The following PRR16 variants were observed in gnomAD, a reference collection of about 807,000 sequenced individuals.
PRR16 encodes proline rich 16.
A neutral mutation model predicts 18.2 loss-of-function variants in PRR16; 6 were observed. That is an observed-to-expected ratio of 0.33 (90% CI 0.18 to 0.65). PRR16 has a LOEUF of 0.65. Ranked by LOEUF, PRR16 falls within the 30% of genes least tolerant of loss-of-function variation. The probability of loss-of-function intolerance (pLI) is 0.74; values close to 1 mark genes in which losing one functional copy is unlikely to be tolerated. For missense variants in PRR16, 412 were observed against 376.6 expected (o/e 1.09, Z -0.78); for synonymous variants, 151 against 147.8 (o/e 1.02, Z -0.16).
chr5:120,491,382 T>G (rs1386583347), intron 1 of PRR16, among the ~76,000 whole-genome samples: 1 of 151,630 alleles, frequency 6.6e-6, no homozygotes, highest in Non-Finnish European at 1.5e-5. Flanking sequence ...TTGTACATTC[T>G]ATATTAACTT....
intron 1 of PRR16, among the ~76,000 whole-genome samples, chr5:120,683,964 GA>G (rs1757046978): frequency 6.6e-6 from 1 of 150,926 alleles, no homozygotes; most frequent in African/African-American, 2.4e-5. Context: ...CTACTGAAAT[GA>G]AAAAAAGCAA....
chr5:120,489,017 C>T (rs1453196035), intron 1 of PRR16, among the ~76,000 whole-genome samples: 1 of 152,096 alleles, frequency 6.6e-6, no homozygotes, highest in South Asian at 2.1e-4. Flanking sequence ...GTCTGAGAGA[C>T]AGTTTGTTCT....
At chr5:120,607,993 A>G (rs1274794132) in intron 1 of PRR16, among the ~76,000 whole-genome samples, 1 of 152,180 alleles carries the variant, frequency 6.6e-6, no homozygotes, top group Non-Finnish European at 1.5e-5. Flanking sequence ...TCCAGTAGAT[A>G]TCAAATCTAG....
intron 1 of PRR16, among the ~76,000 whole-genome samples, chr5:120,494,377 T>G (rs965442710): frequency 6.6e-6 from 1 of 152,100 alleles, no homozygotes; most frequent in Non-Finnish European, 1.5e-5. Context: ...GGTCTTGCTA[T>G]GTTGCCCAGG....
chr5:120,494,842 A>T (rs1750189467), intron 1 of PRR16, among the ~76,000 whole-genome samples: 1 of 152,028 alleles, frequency 6.6e-6, no homozygotes, highest in Non-Finnish European at 1.5e-5. Flanking sequence ...TAGTGAAAAA[A>T]CTAGCTTTCT....
intron 1 of PRR16, among the ~76,000 whole-genome samples, chr5:120,643,188 T>TA (rs200713457): frequency 0.037 from 4,419 of 118,114 alleles, 138 homozygotes; most frequent in African/African-American, 0.092. Flanking sequence ...ACAGGTTTTC[T>TA]AAAAAAAAAC....
At chr5:120,794,477 T>G in the PRR16 span, among the ~76,000 whole-genome samples, 1,215 of 152,288 alleles carry the variant, frequency 8.0e-3, 7 homozygotes, top group Middle Eastern at 0.027. Flanking sequence ...TTATATGTGT[T>G]ATGGTAATAT....
chr5:120,476,358 C>T (rs548717187), intron 1 of PRR16, among the ~76,000 whole-genome samples: 1 of 152,234 alleles, frequency 6.6e-6, no homozygotes, highest in South Asian at 2.1e-4. Context: ...ATATTTTACC[C>T]AACTTGATAT....
At chr5:120,758,223 T>A in the PRR16 span, among the ~76,000 whole-genome samples, 1 of 152,128 alleles carries the variant, frequency 6.6e-6, no homozygotes, top group Admixed American at 6.6e-5. Flanking sequence ...TTACGCAAAT[T>A]TTTTGTATTC....
chr5:120,535,879 G>A (rs915346753), intron 1 of PRR16, among the ~76,000 whole-genome samples: 2 of 152,120 alleles, frequency 1.3e-5, no homozygotes, highest in East Asian at 3.9e-4. Flanking sequence ...GAGACAAGAG[G>A]ATGTCTTGAG....
At chr5:120,528,993 CAT>C (rs1751459346) in intron 1 of PRR16, among the ~76,000 whole-genome samples, 1 of 152,108 alleles carries the variant, frequency 6.6e-6, no homozygotes, top group Non-Finnish European at 1.5e-5. Context: ...AGTGGAAAAT[CAT>C]ATTTTTCCAT....
At chr5:120,713,797 T>C in the PRR16 span, among the ~76,000 whole-genome samples, 1 of 152,170 alleles carries the variant, frequency 6.6e-6, no homozygotes, top group South Asian at 2.1e-4. Flanking sequence ...ACTATAACAA[T>C]TTGAGCATTT....
At chr5:120,771,816 A>G in the PRR16 span, among the ~76,000 whole-genome samples, 10 of 151,982 alleles carry the variant, frequency 6.6e-5, no homozygotes, top group African/African-American at 2.2e-4. Flanking sequence ...ATATACTTTA[A>G]TTTTAAAAAT....
intron 1 of PRR16, among the ~76,000 whole-genome samples, chr5:120,626,872 C>A (rs1042612549): frequency 6.6e-6 from 1 of 152,140 alleles, no homozygotes; most frequent in South Asian, 2.1e-4. Context: ...GACCTTATTT[C>A]TCTTGGATAT....
chr5:120,720,088 T>C, the PRR16 span, among the ~76,000 whole-genome samples: 4 of 151,978 alleles, frequency 2.6e-5, no homozygotes, highest in African/African-American at 9.7e-5. Context: ...TTTATTGATA[T>C]TTCATTTTGT....
At chr5:120,675,887 A>G (rs1477273324) in intron 1 of PRR16, among the ~76,000 whole-genome samples, 1 of 152,190 alleles carries the variant, frequency 6.6e-6, no homozygotes, top group Non-Finnish European at 1.5e-5. Flanking sequence ...ACTATGAATA[A>G]TGATTGTTGT....
chr5:120,554,570 A>G (rs1030212505), intron 1 of PRR16, among the ~76,000 whole-genome samples: 17 of 151,936 alleles, frequency 1.1e-4, no homozygotes, highest in African/African-American at 3.6e-4. Context: ...AGGCAATTCT[A>G]TTGCCTGAAT....
the PRR16 span, among the ~76,000 whole-genome samples, chr5:120,717,117 G>C: frequency 6.6e-6 from 1 of 152,228 alleles, no homozygotes; most frequent in South Asian, 2.1e-4. Context: ...TTATAATGCT[G>C]TGATGAACAT....
At chr5:120,664,547 G>C (rs566471759) in intron 1 of PRR16, among the ~76,000 whole-genome samples, 8 of 151,686 alleles carry the variant, frequency 5.3e-5, no homozygotes, top group Admixed American at 3.3e-4. Flanking sequence ...CTGTTGGTGT[G>C]CTGCACCCAT....
Sources: allele counts gnomAD v4.1 joint callset (sites outside exome capture counted in the v4.1 genomes callset), GRCh38; gene constraint gnomAD v4.1.1; transcripts MANE v1.5; gene names NCBI Gene and HGNC (gene_info 2026-07-23, HGNC 2026-07-21).